Variants in ADGRL2 observed in about 807,000 individuals in gnomAD.
ADGRL2 encodes calcium-independent alpha-latrotoxin receptor 2.
Under a neutral mutation model 157.4 loss-of-function variants are expected in ADGRL2, and 44 were observed. The observed-to-expected ratio is 0.28, with a 90% CI of 0.22 to 0.36. ADGRL2 has a LOEUF of 0.36. ADGRL2 is among the 10% of genes least tolerant of loss of function. The pLI is 1.00. For synonymous variants in ADGRL2, 585 were observed against 624.7 expected (o/e 0.94, Z 0.95); for missense variants, 1,510 against 1,768.9 (o/e 0.85, Z 2.63).
intron 2 of ADGRL2, among the ~76,000 whole-genome samples, chr1:81,501,539 G>C (rs961709415): frequency 6.6e-6 from 1 of 152,244 alleles, no homozygotes; most frequent in Non-Finnish European, 1.5e-5. Flanking sequence ...TCGAGGCACA[G>C]AGCATGTTTC....
chr1:81,815,109 G>C (rs1429520247), intron 1 of ADGRL2, among the ~76,000 whole-genome samples: 2 of 151,532 alleles, frequency 1.3e-5, no homozygotes, highest in Non-Finnish European at 3.0e-5. Context: ...GTTTAAGAAG[G>C]GAAAAAACCC....
rs564346987 is a variant in ADGRL2 at position 81,545,164 on chromosome 1, G to C, written c.-247-35712G>C. On this transcript the variant is annotated intron_variant, in intron 2 of 24. Transcript: ENST00000370721. Reference sequence around the variant, plus strand: ...AAATAATCTCATATAATGTGAGTTAGTCCCACCTTACAAGTAAGGGGATCG... The same window carrying C: ...AAATAATCTCATATAATGTGAGTTACTCCCACCTTACAAGTAAGGGGATCG... Among the ~76,000 whole-genome samples the C allele has an allele frequency of 1.8e-3, 268 of 152,248 alleles. 3 individuals carry two copies. The highest frequency in any genetic ancestry group is 1.0e-3 in the Non-Finnish European group (68 of 68,010).
At chr1:81,868,329 T>C (rs924185516) in intron 2 of ADGRL2, among the ~76,000 whole-genome samples, 1 of 152,030 alleles carries the variant, frequency 6.6e-6, no homozygotes, top group African/African-American at 2.4e-5. Flanking sequence ...CTACTTTCAT[T>C]TTTGTCCTCC....
chr1:81,548,560 G>C (rs1248303256), intron 2 of ADGRL2, among the ~76,000 whole-genome samples: 1 of 151,912 alleles, frequency 6.6e-6, no homozygotes, highest in Non-Finnish European at 1.5e-5. Flanking sequence ...ATTTGTGGTT[G>C]ACTTGCCATT....
chr1:81,551,140 G>A (rs151236804), intron 2 of ADGRL2, among the ~76,000 whole-genome samples: 29 of 152,276 alleles, frequency 1.9e-4, no homozygotes, highest in African/African-American at 7.0e-4. Flanking sequence ...GTAAGTGTGT[G>A]TCACATAATA....
intron 1 of ADGRL2, among the ~76,000 whole-genome samples, chr1:81,802,688 C>T (rs1165255208): frequency 6.6e-6 from 1 of 152,096 alleles, no homozygotes; most frequent in Non-Finnish European, 1.5e-5. Context: ...GGCGCTGGGG[C>T]CCGGGGCCAC....
chr1:81,690,344 T>C (rs1051104930), intron 3 of ADGRL2, among the ~76,000 whole-genome samples: 1 of 152,098 alleles, frequency 6.6e-6, no homozygotes, highest in African/African-American at 2.4e-5. Context: ...AATACAAAAA[T>C]TAGCCAGGCA....
At chr1:81,960,818 A>G (rs1655109353) in intron 11 of ADGRL2, among the ~76,000 whole-genome samples, 1 of 152,154 alleles carries the variant, frequency 6.6e-6, no homozygotes, top group Non-Finnish European at 1.5e-5. Context: ...GATTTTTATC[A>G]TCACTTTAGA....
chr1:81,673,988 A>G (rs2082931827), intron 3 of ADGRL2, among the ~76,000 whole-genome samples: 1 of 152,180 alleles, frequency 6.6e-6, no homozygotes. Context: ...CCTTTTCAGA[A>G]ATGACCCATG....
chr1:81,397,610 C>A (rs1025854169), intron 1 of ADGRL2, among the ~76,000 whole-genome samples: 2 of 151,936 alleles, frequency 1.3e-5, no homozygotes, highest in African/African-American at 4.8e-5. Flanking sequence ...TGAGCCACTG[C>A]GCCCAGCCCT....
At chr1:81,453,613 T>C (rs761333395) in intron 2 of ADGRL2, among the ~76,000 whole-genome samples, 66 of 152,300 alleles carry the variant, frequency 4.3e-4, no homozygotes, top group African/African-American at 1.3e-3. Context: ...TTTACATAGT[T>C]GTAAACTGGG....
chr1:81,776,569 A>C (rs1209646864), intron 2 of ADGRL2, among the ~76,000 whole-genome samples: 1 of 152,214 alleles, frequency 6.6e-6, no homozygotes, highest in Non-Finnish European at 1.5e-5. Context: ...ACATTGCCAT[A>C]TTCCCAGTAC....
At chr1:81,661,546 G>A (rs1413172994) in intron 3 of ADGRL2, among the ~76,000 whole-genome samples, 1 of 152,144 alleles carries the variant, frequency 6.6e-6, no homozygotes, top group Non-Finnish European at 1.5e-5. Flanking sequence ...GCTTTCTAGG[G>A]CTAGGTAATC....
rs1177797436 is a variant in ADGRL2, at chr1:81,658,940, TG to T, written c.-143+77964del. 2.6e-5 allele frequency among the ~76,000 whole-genome samples: 4 copies of T among 151,746 alleles called. No individual in the cohort carries two copies. In the East Asian group the frequency reaches 5.8e-4, roughly 22 times the overall value. On this transcript the variant is annotated intron_variant, in intron 3 of 24. Transcript: ENST00000370721. The stretch of plus-strand genomic sequence containing the variant: ...CTAATTTTTGTATTTTTAGTAGAGA[TG>T]GGGTTTCATCATGTTGACAAAGCTG...
chr1:81,858,013 A>T (rs1011703909), intron 2 of ADGRL2, among the ~76,000 whole-genome samples: 1 of 152,074 alleles, frequency 6.6e-6, no homozygotes, highest in East Asian at 1.9e-4. Context: ...TGAAATTAAG[A>T]TTTATGGTTA....
At chr1:81,967,338 T>C (rs1657396666) in intron 13 of ADGRL2, among the ~76,000 whole-genome samples, 1 of 151,666 alleles carries the variant, frequency 6.6e-6, no homozygotes. Context: ...CTCGGCTCAC[T>C]GCCAGCTCCA....
At chr1:81,398,109 CTGATA>C (rs1182383158) in intron 1 of ADGRL2, among the ~76,000 whole-genome samples, 1 of 152,080 alleles carries the variant, frequency 6.6e-6, no homozygotes, top group African/African-American at 2.4e-5. Context: ...TCTATTTTAT[CTGATA>C]TAAGTATAGC....
chr1:81,699,003 T>C (rs1447495359), upstream of ADGRL2, among the ~76,000 whole-genome samples: 1 of 152,196 alleles, frequency 6.6e-6, no homozygotes, highest in African/African-American at 2.4e-5. Flanking sequence ...CCTATTATCC[T>C]TTTCTCTTTA....
chr1:81,416,295 A>T (rs1297951902), intron 1 of ADGRL2, among the ~76,000 whole-genome samples: 1 of 150,330 alleles, frequency 6.7e-6, no homozygotes, highest in Non-Finnish European at 1.5e-5. Flanking sequence ...TGTACTGTAT[A>T]TACCCTGAAC....
Sources: allele counts gnomAD v4.1 joint callset (sites outside exome capture counted in the v4.1 genomes callset), GRCh38; gene constraint gnomAD v4.1.1; transcripts MANE v1.5; gene names NCBI Gene and HGNC (gene_info 2026-07-23, HGNC 2026-07-21).